The following COL5A3 variants were observed in gnomAD, a reference collection of about 807,000 sequenced individuals.
COL5A3 encodes the protein collagen type V alpha 3 chain, also known as collagen alpha-3(V) chain.
A neutral mutation model predicts 250.0 loss-of-function variants in COL5A3; 172 were observed. That is an observed-to-expected ratio of 0.69 (90% confidence interval 0.61 to 0.78). The LOEUF (loss-of-function observed/expected upper bound fraction) is 0.78. COL5A3 is among the 30% of genes least tolerant of loss of function. The pLI, the probability that COL5A3 is intolerant of heterozygous loss-of-function variation, is 0.00. For synonymous variants in COL5A3, 937 were observed against 900.4 expected (o/e 1.04, Z -0.73); for missense variants, 2,340 against 2,334.4 (o/e 1.00, Z -0.05).
chr19:9,997,224 T>G, intron 11 of COL5A3, 147 bp downstream of exon 11: 1 of 699,994 alleles, frequency 1.4e-6, no homozygotes, highest in Non-Finnish European at 2.6e-6. Flanking sequence ...AGTTCACAGA[T>G]GGGAGACAGA....
intron 54 of COL5A3, among the ~76,000 whole-genome samples, chr19:9,970,166 G>A (rs1285250856): frequency 2.0e-5 from 2 of 101,978 alleles, no homozygotes; most frequent in African/African-American, 4.0e-5. Flanking sequence ...TCTGTGGGGT[G>A]AGTGGGGTCT....
chr19:9,969,107 G>A (rs1477634581), intron 57 of COL5A3, among the ~76,000 whole-genome samples: 1 of 151,596 alleles, frequency 6.6e-6, no homozygotes, highest in Non-Finnish European at 1.5e-5. Flanking sequence ...GTCAGAGCAG[G>A]GGGTTATAGA....
At chr19:10,002,491 T>C (rs1052817185) in intron 6 of COL5A3, among the ~76,000 whole-genome samples, 13 of 112,772 alleles carry the variant, frequency 1.2e-4, no homozygotes, top group African/African-American at 4.5e-4. Context: ...CCACCAAGAA[T>C]GACCTACATC....
chr19:10,007,384 AC>A, intron 1 of COL5A3, among the ~76,000 whole-genome samples: 1 of 152,170 alleles, frequency 6.6e-6, no homozygotes, highest in South Asian at 2.1e-4. Flanking sequence ...CCCCTGTCTG[AC>A]CCTCTCCCTC....
chr19:10,008,960 A>G (rs192301194), intron 1 of COL5A3, among the ~76,000 whole-genome samples: 76 of 152,022 alleles, frequency 5.0e-4, no homozygotes, highest in African/African-American at 1.8e-3. Flanking sequence ...AAAAGCTGGG[A>G]CCATTTGGCG....
Position 9,966,437 on chromosome 19 carries a change from G to A in COL5A3, c.4670-11C>T, listed in dbSNP as rs1403648106. On this transcript the variant is annotated splice_polypyrimidine_tract_variant and intron_variant, in intron 63 of 66. Transcript: ENST00000264828. ...CAATCCAGTATTCCCCTGCCGCAGA[G>A]CCAGGCAGGGTGGGTGAGTCCGGAT... 1 of 1,587,068 alleles carries A rather than the reference G, an allele frequency of 6.3e-7. No homozygotes were observed. Among genetic ancestry groups the A allele is most frequent in the East Asian group, 2.2e-5 (1 of 44,458 alleles).
At position 9,976,582 on chromosome 19, in the gene COL5A3, A is replaced by T. The variant is rs932701158; in HGVS notation, c.3318T>A (p.Gly1106=). ...AGPPGQPGIR[G]PAGHPGPPGA... is the part of the protein sequence containing the mutation. ...CCGGGGGACCTGGGTGTCCTGCAGG[A>T]CCCCGTATCCCTGGTTGTCCAGGTG... is the stretch of plus-strand genomic sequence containing the variant. The change falls in exon 45 of 67, where the codon GGT becomes GGA. Residue 1106 remains glycine, a synonymous_variant. Transcript: ENST00000264828. The T allele has an allele frequency of 6.4e-7, 1 of 1,568,338 alleles. No homozygotes were observed. Among genetic ancestry groups the T allele is most frequent in the African/African-American group, 1.4e-5 (1 of 71,722 alleles).
At position 9,979,133 on chromosome 19, in the gene COL5A3, T is replaced by G. The variant is rs377296335; in HGVS notation, c.2873A>C (p.Lys958Thr). Reference protein sequence around the residue: ...LPGLEGREGAKGELGPPGPLG... With the variant: ...LPGLEGREGATGELGPPGPLG... ...GATCTCCAGTGGACAGTGTCTCACC[T>G]TGGCCCCCTCTCTGCCTTCCAGGCC... Residue 958 changes from lysine to threonine, a missense_variant and splice_region_variant, in exon 39 of 67, where the codon AAG becomes ACG. Transcript: ENST00000264828. 3.5e-5 allele frequency: 55 copies of G among 1,578,902 alleles called. No individual in the cohort carries two copies. The highest frequency in any genetic ancestry group is 4.4e-5 in the Non-Finnish European group (51 of 1,167,724).
At chr19:9,996,005 T>A (rs367912113) in intron 15 of COL5A3, 61 bp downstream of exon 15, 2 of 1,432,580 alleles carry the variant, frequency 1.4e-6, no homozygotes, top group East Asian at 4.7e-5. Context: ...CAGCACTGTA[T>A]CTTGTGGTCC....
In COL5A3 at chr19:10,001,835, G is replaced by A. The variant is rs756130044; in HGVS notation, c.896C>T (p.Pro299Leu). The A allele has an allele frequency of 5.0e-6, 8 of 1,614,042 alleles. No homozygotes were observed. The highest frequency in any genetic ancestry group is 3.4e-6 in the Non-Finnish European group (4 of 1,180,030). Reference protein sequence around the residue: ...PKTETPAPNLPPTPTPLVVTS... With the variant: ...PKTETPAPNLLPTPTPLVVTS... The stretch of plus-strand genomic sequence containing the variant: ...GACGACCAAAGGCGTGGGGGTCGGA[G>A]GCAGATTTGGAGCTGGAGTCTCTGT... The change falls in exon 7 of 67, where the codon CCT becomes CTT. Residue 299 changes from proline to leucine, a missense_variant. Pro to Leu is a moderately conservative substitution (Grantham distance 98). Coordinates refer to ENST00000264828, the MANE Select transcript of COL5A3 (RefSeq NM_015719.4).
At position 9,982,100 on chromosome 19, in the gene COL5A3, C is replaced by T. The variant is rs764355511; in HGVS notation, c.2425G>A (p.Gly809Ser). The T allele has an allele frequency of 2.1e-5, 34 of 1,605,360 alleles. No homozygotes were observed. The highest frequency in any genetic ancestry group is 1.3e-4 in the South Asian group (12 of 90,066). Residue 809 changes from glycine to serine, a missense_variant, in exon 32 of 67, where the codon GGT becomes AGT. By Grantham distance (56) the Gly-to-Ser change is moderately conservative (BLOSUM62 0). Around this residue, in one of 3 missense-constraint regions of COL5A3, gnomAD observed 1,152 missense variants for 1,146.3 expected, o/e 1.00. Coordinates refer to ENST00000264828, the MANE Select transcript of COL5A3 (RefSeq NM_015719.4). ...PGPKGSIGFP[G>S]PLGPIGEKGK... ...TTCTCTCCTATGGGTCCCAGGGGAC[C>T]GGGAAATCCAATAGATCCCTGAGTG...
rs1385681786 is a variant in COL5A3, at chr19:9,982,458, C to T, written c.2407-340G>A. On this transcript the variant is annotated intron_variant, in intron 31 of 66. Coordinates refer to ENST00000264828, the MANE Select transcript of COL5A3 (RefSeq NM_015719.4). ...ACCACCATCCTGGCTTCCACATTGC[C>T]CAAGTCACCCTCTGTCTGTCACATT... Among the ~76,000 whole-genome samples, 3 of 152,152 alleles carry T rather than the reference C, an allele frequency of 2.0e-5. No homozygotes were observed. In the East Asian group the frequency reaches 5.8e-4, roughly 29 times the overall value.
intron 62 of COL5A3, 127 bp downstream of exon 62, chr19:9,967,220 C>A: frequency 1.5e-6 from 1 of 658,906 alleles, no homozygotes; most frequent in Non-Finnish European, 2.4e-6. Context: ...CACCTACATC[C>A]TCTGAACACC....
intron 53 of COL5A3, 82 bp downstream of exon 53, chr19:9,970,893 C>T (rs2086835646): frequency 5.4e-6 from 7 of 1,297,764 alleles, no homozygotes; most frequent in Non-Finnish European, 7.4e-6. Flanking sequence ...CCCACTAGCC[C>T]ACTCCCCTGC....
rs2086875183 is a variant in COL5A3 at position 9,973,024 on chromosome 19, C to A, written c.3669G>T (p.Gly1223=). 3 of 1,605,222 alleles carry A rather than the reference C, an allele frequency of 1.9e-6. No individual in the cohort carries two copies. Among genetic ancestry groups the A allele is most frequent in the South Asian group, 1.1e-5 (1 of 89,022 alleles). Residue 1223 remains glycine, a splice_region_variant and synonymous_variant, in exon 51 of 67, where the codon GGG becomes GGT. Transcript: ENST00000264828. The stretch of plus-strand genomic sequence containing the variant: ...CCTTTTCACCAATGTCTCCCTTGGG[C>A]CCCTTTACAGAAAGAGGTCAGAGGT... ...PGPPGAPGIP[G]PKGDIGEKGD...
chr19:9,962,088 A>G (rs2086681881), intron 65 of COL5A3, among the ~76,000 whole-genome samples: 1 of 151,986 alleles, frequency 6.6e-6, no homozygotes, highest in Non-Finnish European at 1.5e-5. Context: ...AATCTGAAAA[A>G]AATACAAAAT....
intron 41 of COL5A3, 86 bp downstream of exon 41, chr19:9,978,488 G>T: frequency 1.1e-6 from 1 of 896,278 alleles, no homozygotes. Flanking sequence ...CCTCCATCAT[G>T]GGTTTTATCA....
At position 9,983,598 on chromosome 19, in the gene COL5A3, AAGAGAAAGAG is replaced by A. The variant is rs1568418842; in HGVS notation, c.2407-1490_2407-1481del. On this transcript the variant is annotated intron_variant, in intron 31 of 66. Transcript: ENST00000264828. ...AAAGAAAGAAAGAAAGAAAGAAAGA[AAGAGAAAGAG>A]AGAGAGAGAGAAAGAAAGAAAGAAG... Among the ~76,000 whole-genome samples, 650 of 84,462 alleles carry A rather than the reference AAGAGAAAGAG, an allele frequency of 7.7e-3. 24 individuals are homozygous for A. The highest frequency in any genetic ancestry group is 0.03 in the African/African-American group (606 of 20,050). 55.4% of individuals were successfully genotyped at this position (84,462 alleles called of 152,430 possible). A position where few individuals can be genotyped will look rare whatever the true frequency, so the allele number is the denominator to read the frequency against.
chr19:10,008,147 G>T (rs1419714205), intron 1 of COL5A3, among the ~76,000 whole-genome samples: 1 of 152,056 alleles, frequency 6.6e-6, no homozygotes, highest in African/African-American at 2.4e-5. Context: ...CATCCCAGCT[G>T]CCCCATCTCA....
Sources: allele counts gnomAD v4.1 joint callset (sites outside exome capture counted in the v4.1 genomes callset), GRCh38; gene constraint gnomAD v4.1.1; regional missense constraint gnomAD v4.1.1; transcripts MANE v1.5; gene names NCBI Gene and HGNC (gene_info 2026-07-23, HGNC 2026-07-21).